TJAP1: variants seen among roughly 807,000 people sequenced by gnomAD.
The protein encoded by TJAP1 is tight junction associated protein 1, also known as tight junction-associated protein 1.
In TJAP1, 27 loss-of-function variants were observed where a neutral mutation model predicts 42.0. That is an observed-to-expected ratio of 0.64 (90% CI 0.47 to 0.89). The LOEUF (loss-of-function observed/expected upper bound fraction) is 0.89, where lower values mean the gene tolerates loss of function less well. Ranked by LOEUF, TJAP1 falls within the 40% of genes least tolerant of loss-of-function variation. The pLI is 0.00. For synonymous variants in TJAP1, 257 were observed against 288.4 expected (o/e 0.89, Z 1.10); for missense variants, 712 against 726.9 (o/e 0.98, Z 0.24).
At chr6:43,503,734 C>A in intron 10 of TJAP1, 28 bp downstream of exon 10, 1 of 1,597,856 alleles carries the variant, frequency 6.3e-7, no homozygotes, top group Non-Finnish European at 8.6e-7. Context: ...CCTCCCTGCC[C>A]ACATAGACCA....
At chr6:43,484,910 T>C (rs1786118690) in intron 2 of TJAP1, among the ~76,000 whole-genome samples, 2 of 152,190 alleles carry the variant, frequency 1.3e-5, no homozygotes, top group Non-Finnish European at 2.9e-5. Context: ...GTATTTTTAG[T>C]GGAGGCGGGG....
intron 10 of TJAP1, chr6:43,504,486 G>A: frequency 2.0e-6 from 1 of 507,612 alleles, no homozygotes. Flanking sequence ...TTGGGCAGAA[G>A]CTGGGAGATA....
At chr6:43,503,564 T>G in intron 9 of TJAP1, 56 bp downstream of exon 9, 1 of 1,610,584 alleles carries the variant, frequency 6.2e-7, no homozygotes, top group Non-Finnish European at 8.5e-7. Context: ...TTGTCCTGGC[T>G]CGGCCCTGCT....
intron 2 of TJAP1, among the ~76,000 whole-genome samples, chr6:43,489,337 G>A (rs1467367858): frequency 2.0e-5 from 3 of 152,258 alleles, no homozygotes; most frequent in African/African-American, 7.2e-5. Flanking sequence ...CTGGTTCCCT[G>A]GGAAGTGCCA....
chr6:43,496,190 C>T (rs1053366121), intron 2 of TJAP1, among the ~76,000 whole-genome samples: 4 of 152,078 alleles, frequency 2.6e-5, no homozygotes, highest in African/African-American at 9.7e-5. Flanking sequence ...CTTGACTGCT[C>T]GCATCTCTCA....
chr6:43,485,945 G>C (rs1308034096), intron 2 of TJAP1, among the ~76,000 whole-genome samples: 1 of 151,712 alleles, frequency 6.6e-6, no homozygotes, highest in Non-Finnish European at 1.5e-5. Flanking sequence ...GGCTTCAGCT[G>C]TCTCCCTTTT....
chr6:43,500,666 T>C, intron 4 of TJAP1, 78 bp from the exon 5 acceptor site: 1 of 1,549,240 alleles, frequency 6.5e-7, no homozygotes, highest in South Asian at 1.1e-5. Flanking sequence ...CTGAGCCTTC[T>C]TGTGGCTATT....
chr6:43,505,004 G>C lies in TJAP1; in HGVS notation c.823G>C (p.Ala275Pro). 1 of 1,614,084 alleles carries C rather than the reference G, an allele frequency of 6.2e-7. No homozygotes were observed. The highest frequency in any genetic ancestry group is 8.5e-7 in the Non-Finnish European group (1 of 1,180,016). The change falls in exon 11 of 11, where the codon GCC becomes CCC. Residue 275 changes from alanine to proline, a missense_variant. Coordinates refer to ENST00000372449, the Ensembl canonical transcript of TJAP1. This position sits in a 1 kb window ranked among gnomAD's most constrained non-coding sequence, Gnocchi z 5.5. ...GAGTGAGGGTGTCCCAGGTGATCCA[G>C]CCAGTCCCCCGGCCCCTGGCAGCCC...
intron 4 of TJAP1, among the ~76,000 whole-genome samples, chr6:43,500,192 G>C (rs1790205812): frequency 6.6e-6 from 1 of 152,208 alleles, no homozygotes; most frequent in Non-Finnish European, 1.5e-5. Context: ...GTTTGGGGAA[G>C]ATGGGGCAGG....
chr6:43,484,037 A>G (rs752280183), intron 2 of TJAP1, among the ~76,000 whole-genome samples: 13 of 152,238 alleles, frequency 8.5e-5, no homozygotes, highest in Non-Finnish European at 1.6e-4. Flanking sequence ...ATTGCACTCC[A>G]GAATGGGTGA....
At chr6:43,482,720 A>G (rs909890412) in intron 2 of TJAP1, among the ~76,000 whole-genome samples, 3 of 152,196 alleles carry the variant, frequency 2.0e-5, no homozygotes, top group Non-Finnish European at 4.4e-5. Flanking sequence ...CTGGGCCTTA[A>G]TAGGTGCTTT....
chr6:43,478,720 T>C (rs1407537586), intron 2 of TJAP1: 2 of 152,194 alleles, frequency 1.3e-5, no homozygotes, highest in African/African-American at 4.8e-5. Context: ...GCTTTTTTGG[T>C]AAGAAGGGCT....
intron 2 of TJAP1, among the ~76,000 whole-genome samples, chr6:43,485,206 A>G (rs192737260): frequency 6.6e-6 from 1 of 152,330 alleles, no homozygotes; most frequent in Non-Finnish European, 1.5e-5. Context: ...CCCATATTTT[A>G]TGGATTGAAA....
chr6:43,504,687 A>G, intron 10 of TJAP1, 74 bp from the exon 11 acceptor site: 2 of 1,553,680 alleles, frequency 1.3e-6, no homozygotes, highest in Non-Finnish European at 1.7e-6. Flanking sequence ...GGTGGGAGCC[A>G]TTACTTTCGC....
At position 43,505,180 on chromosome 6, in the gene TJAP1, GTT is replaced by G; in HGVS notation, c.1000_1001del (p.Phe334LeufsTer2). ...TGTATCCTGGCCGCAGGGTAATAGA[GTT>G]CTCTGAGGATAAGGTTCGGATCCCC... is the stretch of plus-strand genomic sequence containing the variant. On this transcript the variant is annotated frameshift_variant, in exon 11 of 11. Coordinates refer to ENST00000372449, the Ensembl canonical transcript of TJAP1. LOFTEE classifies it high-confidence loss of function. The surrounding 1 kb of genome is among the most constrained non-coding windows in gnomAD (Gnocchi z 5.5). 6.2e-7 allele frequency: 1 copy of G among 1,614,222 alleles called. No homozygotes were observed. Among genetic ancestry groups the G allele is most frequent in the South Asian group, 1.1e-5 (1 of 91,086 alleles).
chr6:43,492,528 C>T lies in TJAP1; in HGVS notation c.-121-5353C>T, dbSNP rs1259366642. ...TGCTGAAGGCTTTACTCATGTATCT[C>T]AGGAACAGCTGCATGCCGGAAACTG... On this transcript the variant is annotated intron_variant, in intron 2 of 10. Coordinates refer to ENST00000372449, the Ensembl canonical transcript of TJAP1. This position sits in a 1 kb window ranked among gnomAD's most constrained non-coding sequence, Gnocchi z 4.2. Among the ~76,000 whole-genome samples the T allele has an allele frequency of 3.0e-4, 46 of 152,188 alleles. No individual in the cohort carries two copies. Among genetic ancestry groups the T allele is most frequent in the Admixed American group, 3.0e-3 (46 of 15,288 alleles).
chr6:43,503,741 A>C (rs762938918), intron 10 of TJAP1, 35 bp downstream of exon 10: 2 of 1,588,622 alleles, frequency 1.3e-6, no homozygotes, highest in Non-Finnish European at 1.7e-6. Flanking sequence ...GCCCACATAG[A>C]CCATTCCGGC....
chr6:43,501,520 T>C lies in TJAP1; in HGVS notation c.129-6T>C. ...CTCTGCCCTTGATCCCACAACACCC[T>C]GCCAGGCTCTTACAGGAGGAGAATG... On this transcript the variant is annotated splice_region_variant and splice_polypyrimidine_tract_variant and intron_variant, in intron 5 of 10. Transcript: ENST00000372449. 10 of 1,612,040 alleles carry C rather than the reference T, an allele frequency of 6.2e-6. No homozygotes were observed. The highest frequency in any genetic ancestry group is 8.5e-6 in the Non-Finnish European group (10 of 1,179,316).
rs776335803 is a variant in TJAP1 at position 43,503,254 on chromosome 6, T to C, written c.388-147T>C. ...GAGCGGGAGAGATGCCCAGTCTCCT[T>C]CTGTCTGTCCGTCATTTGTCTCTGC... On this transcript the variant is annotated intron_variant, in intron 8 of 10. Transcript: ENST00000372449. 11 of 644,458 alleles carry C rather than the reference T, an allele frequency of 1.7e-5. No homozygotes were observed. The Admixed American group carries it at 1.8e-4, about 11-fold the overall frequency. 39.9% of individuals were successfully genotyped at this position (644,458 alleles called of 1,614,324 possible).
Sources: allele counts gnomAD v4.1 joint callset (sites outside exome capture counted in the v4.1 genomes callset), GRCh38; gene constraint gnomAD v4.1.1; non-coding constraint Gnocchi (gnomAD v3.1); transcripts MANE v1.5; gene names NCBI Gene and HGNC (gene_info 2026-07-23, HGNC 2026-07-21).